The following RCAN1 variants were observed in gnomAD, a reference collection of about 807,000 sequenced individuals.
The protein encoded by RCAN1 is calcipressin-1.
A neutral mutation model predicts 22.9 loss-of-function variants in RCAN1; 11 were observed. The observed-to-expected ratio is 0.48, with a 90% CI of 0.30 to 0.79. RCAN1 has a LOEUF of 0.79. Among genes scored for constraint, RCAN1 ranks in the 30% least tolerant of loss-of-function variants. The pLI, the probability that RCAN1 is intolerant of heterozygous loss-of-function variation, is 0.06. For synonymous variants in RCAN1, 136 were observed against 142.3 expected (o/e 0.96, Z 0.32); for missense variants, 291 against 337.8 (o/e 0.86, Z 1.09).
At chr21:34,593,045 T>G (rs1988025481) in intron 1 of RCAN1, among the ~76,000 whole-genome samples, 1 of 152,184 alleles carries the variant, frequency 6.6e-6, no homozygotes, top group Admixed American at 6.5e-5. Flanking sequence ...AAATTACTAT[T>G]TGCCTGCCTT....
rs531089194 is a variant in RCAN1 at position 34,555,898 on chromosome 21, C to T, written c.253-32188G>A. The stretch of plus-strand genomic sequence containing the variant: ...CTAACACGATGAAACCCTGTCTCTA[C>T]GAAAAATACAAAAAATTAGCCGGGC... On this transcript the variant is annotated intron_variant, in intron 1 of 3. Coordinates refer to ENST00000313806, the MANE Select transcript of RCAN1 (RefSeq NM_004414.7). Among the ~76,000 whole-genome samples the T allele has an allele frequency of 2.2e-4, 33 of 151,180 alleles. 1 individual carries two copies. Among genetic ancestry groups the T allele is most frequent in the Admixed American group, 1.4e-3 (22 of 15,190 alleles).
At chr21:34,595,920 G>A (rs562402530) in intron 1 of RCAN1, among the ~76,000 whole-genome samples, 3 of 152,354 alleles carry the variant, frequency 2.0e-5, no homozygotes, top group East Asian at 3.9e-4. Flanking sequence ...GTCCATCTAC[G>A]CAGATGCAGG....
chr21:34,592,722 T>A (rs1988015407), intron 1 of RCAN1, among the ~76,000 whole-genome samples: 1 of 152,238 alleles, frequency 6.6e-6, no homozygotes, highest in Non-Finnish European at 1.5e-5. Flanking sequence ...CTGTTTCTTG[T>A]GTTTTCCGAT....
At chr21:34,552,666 G>C (rs1377022853) in intron 1 of RCAN1, among the ~76,000 whole-genome samples, 1 of 140,976 alleles carries the variant, frequency 7.1e-6, no homozygotes, top group Non-Finnish European at 1.5e-5. Flanking sequence ...CATTACATGT[G>C]CCTATTAAAA....
rs138168457 is a variant in RCAN1 at position 34,543,626 on chromosome 21, G to C, written c.253-19916C>G. Among the ~76,000 whole-genome samples, 393 of 152,338 alleles carry C rather than the reference G, an allele frequency of 2.6e-3. 4 individuals carry two copies. Among genetic ancestry groups the C allele is most frequent in the African/African-American group, 8.8e-3 (364 of 41,566 alleles). Reference sequence around the variant, plus strand: ...AAATACAAATTTAAGACTGGAGAAAGGTAGCTTTATAGAACATCCAGCAGC... The same window carrying C: ...AAATACAAATTTAAGACTGGAGAAACGTAGCTTTATAGAACATCCAGCAGC... On this transcript the variant is annotated intron_variant, in intron 1 of 3. Coordinates refer to ENST00000313806, the MANE Select transcript of RCAN1 (RefSeq NM_004414.7).
At chr21:34,537,944 T>C (rs1985746971) in intron 1 of RCAN1, among the ~76,000 whole-genome samples, 1 of 152,254 alleles carries the variant, frequency 6.6e-6, no homozygotes, top group South Asian at 2.1e-4. Flanking sequence ...CCTGAAATTA[T>C]GCTGTAAATG....
chr21:34,563,794 T>TATATATATAGAGAG (rs765741781), intron 1 of RCAN1, among the ~76,000 whole-genome samples: 5 of 48,728 alleles, frequency 1.0e-4, no homozygotes, highest in African/African-American at 3.4e-4. Flanking sequence ...TATATATATA[T>TATATATATAGAGAG]AGAGAGAGAG....
intron 1 of RCAN1, among the ~76,000 whole-genome samples, chr21:34,586,655 A>C (rs761818802): frequency 8.5e-5 from 13 of 152,222 alleles, no homozygotes; most frequent in Non-Finnish European, 1.8e-4. Flanking sequence ...AGATTAAAGA[A>C]AGTAGAAGGA....
chr21:34,526,483 C>T (rs1985061749), intron 1 of RCAN1, among the ~76,000 whole-genome samples: 1 of 152,108 alleles, frequency 6.6e-6, no homozygotes, highest in Non-Finnish European at 1.5e-5. Flanking sequence ...TTAGAAATTC[C>T]TTCCTCAGTT....
At position 34,614,166 on chromosome 21, in the gene RCAN1, G is replaced by T; in HGVS notation, c.252+594C>A. The T allele has an allele frequency of 1.1e-6, 1 of 894,220 alleles. No homozygotes were observed. Among genetic ancestry groups the T allele is most frequent in the Non-Finnish European group, 1.4e-6 (1 of 727,324 alleles). 55.4% of individuals were successfully genotyped at this position (894,220 alleles called of 1,614,324 possible). A position where few individuals can be genotyped will look rare whatever the true frequency, so the allele number is the denominator to read the frequency against. Reference sequence around the variant, plus strand: ...GCAAGCCACACCTTCACACAAGGGGGCAAGGTTCTTGACTAAATATCCTAA... The same window carrying T: ...GCAAGCCACACCTTCACACAAGGGGTCAAGGTTCTTGACTAAATATCCTAA... On this transcript the variant is annotated intron_variant, in intron 1 of 3. Coordinates refer to ENST00000313806, the MANE Select transcript of RCAN1 (RefSeq NM_004414.7). The surrounding 1 kb of genome is among the most constrained non-coding windows in gnomAD (Gnocchi z 6.0).
At chr21:34,562,459 T>TC (rs1266016356) in intron 1 of RCAN1, among the ~76,000 whole-genome samples, 1 of 152,004 alleles carries the variant, frequency 6.6e-6, no homozygotes, top group African/African-American at 2.4e-5. Flanking sequence ...GCACAGAGGG[T>TC]CCCCAAGGAG....
intron 1 of RCAN1, among the ~76,000 whole-genome samples, chr21:34,612,096 A>G (rs1275535539): frequency 3.9e-5 from 6 of 152,028 alleles, no homozygotes; most frequent in Non-Finnish European, 7.4e-5. Context: ...TCCATCTCCA[A>G]TACCACCATC....
At chr21:34,524,582 TAAAA>T (rs2123584050) in intron 1 of RCAN1, 1 of 152,616 alleles carries the variant, frequency 6.6e-6, no homozygotes, top group East Asian at 1.9e-4. Context: ...AAGTAGTTTT[TAAAA>T]ATTTCCACGA....
intron 1 of RCAN1, among the ~76,000 whole-genome samples, chr21:34,535,182 G>T (rs1369709238): frequency 1.3e-5 from 2 of 152,222 alleles, no homozygotes; most frequent in Non-Finnish European, 2.9e-5. Flanking sequence ...GCAATAGTGT[G>T]ATTAAATTCC....
chr21:34,528,567 C>T (rs2123596814), intron 1 of RCAN1, among the ~76,000 whole-genome samples: 1 of 152,338 alleles, frequency 6.6e-6, no homozygotes, highest in Non-Finnish European at 1.5e-5. Context: ...GAGCCTTTGT[C>T]TGTCCAGCAG....
chr21:34,573,578 T>C (rs139549573), intron 1 of RCAN1, among the ~76,000 whole-genome samples: 1 of 152,328 alleles, frequency 6.6e-6, no homozygotes, highest in African/African-American at 2.4e-5. Context: ...TCACACCTTC[T>C]TATGACCCCA....
At chr21:34,607,027 G>A (rs772463715) in intron 1 of RCAN1, among the ~76,000 whole-genome samples, 13 of 152,176 alleles carry the variant, frequency 8.5e-5, no homozygotes, top group Non-Finnish European at 1.5e-4. Flanking sequence ...TCTCTTAATC[G>A]TGAATTCAGG....
intron 1 of RCAN1, among the ~76,000 whole-genome samples, chr21:34,583,948 T>C (rs1987708140): frequency 6.6e-6 from 1 of 152,092 alleles, no homozygotes; most frequent in Non-Finnish European, 1.5e-5. Context: ...TACACACATA[T>C]TTGTTATTGA....
chr21:34,611,089 ATC>A (rs1988675719), intron 1 of RCAN1, among the ~76,000 whole-genome samples: 1 of 152,238 alleles, frequency 6.6e-6, no homozygotes. Flanking sequence ...ACGGAATATT[ATC>A]TGAGAACTCT....
Sources: allele counts gnomAD v4.1 joint callset (sites outside exome capture counted in the v4.1 genomes callset), GRCh38; gene constraint gnomAD v4.1.1; non-coding constraint Gnocchi (gnomAD v3.1); transcripts MANE v1.5; gene names NCBI Gene and HGNC (gene_info 2026-07-23, HGNC 2026-07-21).